ANXA5: variants seen among roughly 807,000 people sequenced by gnomAD.
ANXA5 encodes CBP-I.
In ANXA5, 40 loss-of-function variants were observed where a neutral mutation model predicts 48.1. The ratio of observed to expected loss-of-function variants is 0.83; its 90% CI spans 0.65 to 1.08. The LOEUF is 1.08. Among genes scored for constraint, ANXA5 ranks in the 50% least tolerant of loss-of-function variants. The pLI, the probability that ANXA5 is intolerant of heterozygous loss-of-function variation, is 0.00. For synonymous variants in ANXA5, 113 were observed against 129.1 expected, an observed-to-expected ratio of 0.88 and a Z score of 0.85; for missense variants, 357 against 376.8, an observed-to-expected ratio of 0.95 and a Z score of 0.44.
intron 8 of ANXA5, among the ~76,000 whole-genome samples, chr4:121,676,161 C>A (rs1292807535): frequency 1.3e-5 from 2 of 152,134 alleles, no homozygotes; most frequent in African/African-American, 4.8e-5. Context: ...GCAGTAAGAT[C>A]ACCTCAGTAC....
intron 8 of ANXA5, among the ~76,000 whole-genome samples, chr4:121,676,118 T>C (rs1724694265): frequency 2.0e-5 from 3 of 152,182 alleles, no homozygotes; most frequent in Admixed American, 2.0e-4. Context: ...ATCAGCACTA[T>C]CTCCTAGCAA....
At chr4:121,675,483 G>A (rs1724682424) in intron 8 of ANXA5, among the ~76,000 whole-genome samples, 1 of 152,124 alleles carries the variant, frequency 6.6e-6, no homozygotes, top group Non-Finnish European at 1.5e-5. Context: ...TTTTCAACAG[G>A]TTTATTAATT....
At chr4:121,684,876 T>C (rs766965453) in intron 3 of ANXA5, 105 bp from the exon 4 acceptor site, 15 of 822,472 alleles carry the variant, frequency 1.8e-5, no homozygotes, top group Non-Finnish European at 2.8e-5. Context: ...CCTCTCCCTA[T>C]GCGAATATAA....
chr4:121,684,631 T>C (rs1400019680), intron 4 of ANXA5, 46 bp downstream of exon 4: 1 of 1,509,508 alleles, frequency 6.6e-7, no homozygotes, highest in African/African-American at 1.4e-5. Context: ...GTCTTATAAC[T>C]GATAGCTGTT....
chr4:121,691,535 G>A (rs184717035), intron 2 of ANXA5, among the ~76,000 whole-genome samples: 3 of 121,120 alleles, frequency 2.5e-5, no homozygotes, highest in South Asian at 3.4e-4. Flanking sequence ...CTCAAATACC[G>A]CACCCTCCCC....
intron 7 of ANXA5, 61 bp from the exon 8 acceptor site, chr4:121,678,011 T>C: frequency 7.8e-7 from 1 of 1,286,760 alleles, no homozygotes; most frequent in Non-Finnish European, 1.1e-6. Flanking sequence ...AAAGGAAAAA[T>C]GGTTCCACCT....
chr4:121,674,826 C>A (rs73844249), intron 8 of ANXA5, among the ~76,000 whole-genome samples: 34,662 of 152,026 alleles, frequency 0.23, 4,397 homozygotes, highest in Non-Finnish European at 0.29. Context: ...GACCCTTACA[C>A]CCCTTCCCTA....
Position 121,694,360 on chromosome 4 carries a change from A to G in ANXA5, c.9+2221T>C, listed in dbSNP as rs543848333. Among the ~76,000 whole-genome samples, 4 of 152,230 alleles carry G rather than the reference A, an allele frequency of 2.6e-5. 1 individual carries two copies. The South Asian group carries it at 8.3e-4, about 32-fold the overall frequency. On this transcript the variant is annotated intron_variant, in intron 2 of 12. Transcript: ENST00000296511. ...CTAGTTTTGCCTTCATGACATTCTT[A>G]CTGCTCAGACGCCGCACCCAACTTT...
At chr4:121,685,947 A>G (rs570231480) in intron 3 of ANXA5, among the ~76,000 whole-genome samples, 10 of 152,252 alleles carry the variant, frequency 6.6e-5, no homozygotes, top group African/African-American at 2.4e-4. Context: ...ATGGCCTGCA[A>G]GCCACATGTG....
chr4:121,688,158 G>C (rs912124000), intron 2 of ANXA5, among the ~76,000 whole-genome samples: 43 of 152,098 alleles, frequency 2.8e-4, no homozygotes, highest in African/African-American at 1.0e-3. Context: ...GTCTAGAAGA[G>C]AGCCCTCACC....
intron 3 of ANXA5, among the ~76,000 whole-genome samples, chr4:121,685,948 G>A (rs1026940382): frequency 6.6e-6 from 1 of 151,814 alleles, no homozygotes; most frequent in Non-Finnish European, 1.5e-5. Context: ...TGGCCTGCAA[G>A]CCACATGTGG....
At chr4:121,684,084 C>A (rs1326250201) in intron 4 of ANXA5, among the ~76,000 whole-genome samples, 1 of 151,800 alleles carries the variant, frequency 6.6e-6, no homozygotes, top group Non-Finnish European at 1.5e-5. Context: ...GTTTAGAATA[C>A]TTTCTTTTTT....
At chr4:121,687,014 T>A (rs1257343237) in intron 2 of ANXA5, among the ~76,000 whole-genome samples, 1 of 152,166 alleles carries the variant, frequency 6.6e-6, no homozygotes, top group Non-Finnish European at 1.5e-5. Context: ...TCAAAAAAAA[T>A]TAGTGATATC....
chr4:121,684,483 T>C lies in ANXA5; in HGVS notation c.189+194A>G, dbSNP rs1017742920. Among the ~76,000 whole-genome samples, 17 of 152,108 alleles carry C rather than the reference T, an allele frequency of 1.1e-4. 1 individual carries two copies. Among genetic ancestry groups the C allele is most frequent in the African/African-American group, 4.1e-4 (17 of 41,396 alleles). On this transcript the variant is annotated intron_variant, in intron 4 of 12. Coordinates refer to ENST00000296511, the MANE Select transcript of ANXA5 (RefSeq NM_001154.4). ...ACAGCATTAGGCAAGGAAAAACAAT[T>C]ATGTGAGGATAAGCTGGGTGAGCAC...
At chr4:121,686,151 T>G in intron 3 of ANXA5, 137 bp downstream of exon 3, 1 of 675,706 alleles carries the variant, frequency 1.5e-6, no homozygotes, top group South Asian at 1.9e-5. Flanking sequence ...GTTTATAGTA[T>G]TATTTTGTTA....
chr4:121,688,160 G>C (rs913105274), intron 2 of ANXA5, among the ~76,000 whole-genome samples: 2 of 152,210 alleles, frequency 1.3e-5, no homozygotes, highest in African/African-American at 4.8e-5. Context: ...CTAGAAGAGA[G>C]CCCTCACCAC....
At chr4:121,682,461 T>C (rs1411343220) in intron 5 of ANXA5, among the ~76,000 whole-genome samples, 1 of 152,156 alleles carries the variant, frequency 6.6e-6, no homozygotes, top group Non-Finnish European at 1.5e-5. Context: ...CTTATTTTCT[T>C]TATATTTCTA....
At chr4:121,688,232 T>A (rs1224865947) in intron 2 of ANXA5, among the ~76,000 whole-genome samples, 6 of 152,148 alleles carry the variant, frequency 3.9e-5, no homozygotes, top group African/African-American at 7.2e-5. Flanking sequence ...TGAATTTCCT[T>A]CTTTATAAGC....
At chr4:121,683,645 C>A (rs138947873) in intron 4 of ANXA5, among the ~76,000 whole-genome samples, 168 bp from the exon 5 acceptor site, 9 of 151,958 alleles carry the variant, frequency 5.9e-5, no homozygotes, top group African/African-American at 2.2e-4. Flanking sequence ...ATACTTTTAA[C>A]CTGTGACCAA....
Sources: allele counts gnomAD v4.1 joint callset (sites outside exome capture counted in the v4.1 genomes callset), GRCh38; gene constraint gnomAD v4.1.1; transcripts MANE v1.5; gene names NCBI Gene and HGNC (gene_info 2026-07-23, HGNC 2026-07-21).